The following EML6 variants were observed in gnomAD, a reference collection of about 807,000 sequenced individuals.
EML6 encodes EMAP like 6, also known as echinoderm microtubule-associated protein-like 6.
In EML6, 154 loss-of-function variants were observed where a neutral mutation model predicts 240.1. The ratio of observed to expected loss-of-function variants is 0.64; its 90% CI spans 0.56 to 0.73. The LOEUF is 0.73. Ranked by LOEUF, EML6 falls within the 30% of genes least tolerant of loss-of-function variation. EML6 has a pLI of 0.00. For missense variants in EML6, 2,964 were observed against 2,474.6 expected, an observed-to-expected ratio of 1.20 and a Z score of -4.20; for synonymous variants, 1,148 against 899.0, an observed-to-expected ratio of 1.28 and a Z score of -4.95.
rs1670580455 is a variant in EML6 at position 54,807,870 on chromosome 2, A to G, written c.198-5362A>G. Among the ~76,000 whole-genome samples, 2 of 152,236 alleles carry G rather than the reference A, an allele frequency of 1.3e-5. 1 individual carries two copies. Among genetic ancestry groups the G allele is most frequent in the Admixed American group, 1.3e-4 (2 of 15,288 alleles). ...AAGCTGGCTCCAATCATGCCACTGT[A>G]TGGCTGTATTTTTAACCATTCTTTT... is the stretch of plus-strand genomic sequence containing the variant. On this transcript the variant is annotated intron_variant, in intron 2 of 41. Coordinates refer to ENST00000356458, the MANE Select transcript of EML6 (RefSeq NM_001039753.4).
intron 26 of EML6, among the ~76,000 whole-genome samples, chr2:54,927,875 C>T (rs1558694899): frequency 6.6e-6 from 1 of 152,200 alleles, no homozygotes; most frequent in Non-Finnish European, 1.5e-5. Flanking sequence ...ATAAGATATC[C>T]TTTGCTCTTC....
chr2:54,801,379 G>A (rs1278410438), intron 2 of EML6, among the ~76,000 whole-genome samples: 1 of 151,984 alleles, frequency 6.6e-6, no homozygotes, highest in Non-Finnish European at 1.5e-5. Context: ...ACGTGTCTGA[G>A]AATATGAAGT....
At chr2:54,935,217 G>GT (rs992932797) in intron 28 of EML6, among the ~76,000 whole-genome samples, 2 of 152,120 alleles carry the variant, frequency 1.3e-5, no homozygotes, top group African/African-American at 4.8e-5. Context: ...GAAAGTGTCT[G>GT]TTTTTTGCTA....
At chr2:54,908,452 T>A (rs923521816) in intron 24 of EML6, among the ~76,000 whole-genome samples, 1 of 152,104 alleles carries the variant, frequency 6.6e-6, no homozygotes, top group Non-Finnish European at 1.5e-5. Flanking sequence ...AATTTTAAAG[T>A]AATAATAACA....
chr2:54,812,021 T>C, intron 2 of EML6, among the ~76,000 whole-genome samples: 1 of 152,238 alleles, frequency 6.6e-6, no homozygotes, highest in East Asian at 1.9e-4. Flanking sequence ...AGTACATATG[T>C]TGTTTTTGGA....
At chr2:54,790,346 G>A (rs1458262395) in intron 2 of EML6, among the ~76,000 whole-genome samples, 1 of 152,066 alleles carries the variant, frequency 6.6e-6, no homozygotes. Flanking sequence ...TTTTTATTGT[G>A]CCCAGAAAAT....
At chr2:54,810,005 C>A (rs1667754052) in intron 2 of EML6, among the ~76,000 whole-genome samples, 1 of 152,110 alleles carries the variant, frequency 6.6e-6, no homozygotes, top group Non-Finnish European at 1.5e-5. Context: ...TCTTGCTATT[C>A]TTGACATGGA....
At chr2:54,739,787 C>T (rs1408213263) in intron 2 of EML6, among the ~76,000 whole-genome samples, 2 of 152,220 alleles carry the variant, frequency 1.3e-5, no homozygotes, top group African/African-American at 4.8e-5. Context: ...AGGCTGTATA[C>T]CTGTCACTCT....
chr2:54,962,516 A>G lies in EML6; in HGVS notation c.4969-7A>G, dbSNP rs1558731096. 1 of 1,538,366 alleles carries G rather than the reference A, an allele frequency of 6.5e-7. No homozygotes were observed. The highest frequency in any genetic ancestry group is 8.8e-7 in the Non-Finnish European group (1 of 1,139,994). On this transcript the variant is annotated splice_region_variant and splice_polypyrimidine_tract_variant and intron_variant, in intron 35 of 41. Coordinates refer to ENST00000356458, the MANE Select transcript of EML6 (RefSeq NM_001039753.4). ...TCCTTTTTCTAATAGTGTTTCAATT[A>G]CAACAGGGAAAAATCTTAGTGGGAA... is the stretch of plus-strand genomic sequence containing the variant.
At position 54,964,675 on chromosome 2, in the gene EML6, A is replaced by G. The variant is rs1269032705; in HGVS notation, c.5435A>G (p.Lys1812Arg). 10 of 1,552,152 alleles carry G rather than the reference A, an allele frequency of 6.4e-6. No homozygotes were observed. In the South Asian group the frequency reaches 8.3e-5, roughly 13 times the overall value. The stretch of plus-strand genomic sequence containing the variant: ...AATCTGAACCGCATTGGCTACTGCA[A>G]AGATATCCCAAGCTTTGTCATTCAG... ...GTNLNRIGYC[K>R]DIPSFVIQMD... Residue 1812 changes from lysine to arginine, a missense_variant, in exon 38 of 42, where the codon AAA (lysine) becomes AGA (arginine). Transcript: ENST00000356458.
chr2:54,724,062 G>C lies in EML6; in HGVS notation c.-514+285G>C, dbSNP rs1212486087. 1.3e-5 allele frequency among the ~76,000 whole-genome samples: 2 copies of C among 152,184 alleles called. No homozygotes were observed. On this transcript the variant is annotated intron_variant, in intron 1 of 41. Transcript: ENST00000356458. This position sits in a 1 kb window ranked among gnomAD's most constrained non-coding sequence, Gnocchi z 5.2. ...TTCTGGGGAGAAGTACACGATTTTT[G>C]CCACTTGTTATTTGATTTCTCCTCG...
chr2:54,876,985 ATTT>A (rs34591538), intron 16 of EML6, among the ~76,000 whole-genome samples: 9 of 145,926 alleles, frequency 6.2e-5, no homozygotes, highest in Admixed American at 1.4e-4. Flanking sequence ...CCAAAAAAAA[ATTT>A]TTTTTTTTTT....
intron 3 of EML6, among the ~76,000 whole-genome samples, chr2:54,815,040 G>A (rs534339334): frequency 6.6e-6 from 1 of 152,194 alleles, no homozygotes; most frequent in Non-Finnish European, 1.5e-5. Context: ...GTACTGGTAT[G>A]CACCTTCTCT....
chr2:54,929,101 A>G (rs903415542), intron 28 of EML6, among the ~76,000 whole-genome samples: 2 of 152,192 alleles, frequency 1.3e-5, no homozygotes, highest in African/African-American at 4.8e-5. Context: ...CCAGCAAGGT[A>G]GGAGGGAGGA....
At chr2:54,846,311 G>C (rs1260735095) in intron 8 of EML6, among the ~76,000 whole-genome samples, 1 of 151,960 alleles carries the variant, frequency 6.6e-6, no homozygotes, top group Non-Finnish European at 1.5e-5. Flanking sequence ...TGTGTGTGCT[G>C]AAATAACTAT....
intron 11 of EML6, among the ~76,000 whole-genome samples, chr2:54,856,490 A>T (rs992897389): frequency 6.6e-6 from 1 of 152,246 alleles, no homozygotes; most frequent in Non-Finnish European, 1.5e-5. Flanking sequence ...CACATGGCCT[A>T]TGGACAGCTT....
At chr2:54,870,829 G>T (rs915956792) in intron 15 of EML6, among the ~76,000 whole-genome samples, 22 of 152,108 alleles carry the variant, frequency 1.4e-4, no homozygotes, top group Admixed American at 4.6e-4. Context: ...GAGTGGCCTG[G>T]ATTCTGCTCA....
chr2:54,861,817 C>T (rs1670688764), intron 12 of EML6, among the ~76,000 whole-genome samples: 1 of 149,876 alleles, frequency 6.7e-6, no homozygotes, highest in Non-Finnish European at 1.5e-5. Context: ...CACACAGTGT[C>T]AGTGACAATG....
chr2:54,858,815 G>A (rs1180270948), intron 11 of EML6, among the ~76,000 whole-genome samples: 3 of 152,126 alleles, frequency 2.0e-5, no homozygotes, highest in African/African-American at 7.2e-5. Flanking sequence ...CCTAATAAAA[G>A]GGATTTCATT....
Sources: gnomAD v4.1 joint callset for allele counts (sites outside exome capture counted in the v4.1 genomes callset) on GRCh38, gnomAD v4.1.1 for gene constraint, Gnocchi (gnomAD v3.1) non-coding constraint, MANE v1.5 for transcripts, NCBI Gene and HGNC (gene_info 2026-07-23, HGNC 2026-07-21) for gene names.